TMEM222: variants seen among roughly 807,000 people sequenced by gnomAD.
TMEM222 encodes chromosome 1 open reading frame 160.
A neutral mutation model predicts 25.1 loss-of-function variants in TMEM222; 18 were observed. That is an observed-to-expected ratio of 0.72 (90% confidence interval 0.50 to 1.06). TMEM222 has a LOEUF of 1.06. Among genes scored for constraint, TMEM222 ranks in the 50% least tolerant of loss-of-function variants. The probability of loss-of-function intolerance (pLI) is 0.00; values close to 1 mark genes in which losing one functional copy is unlikely to be tolerated. For missense variants in TMEM222, 296 were observed against 293.7 expected (o/e 1.01, Z -0.06); for synonymous variants, 131 against 117.9 (o/e 1.11, Z -0.72).
intron 1 of TMEM222, among the ~76,000 whole-genome samples, chr1:27,324,150 AC>A (rs1175155999): frequency 6.6e-6 from 1 of 152,106 alleles, no homozygotes; most frequent in Non-Finnish European, 1.5e-5. Context: ...ACATGGAGAA[AC>A]CCCATCTCTA....
chr1:27,335,635 G>C lies in TMEM222; in HGVS notation c.*169G>C. The C allele has an allele frequency of 1.5e-6, 1 of 652,144 alleles. No individual in the cohort carries two copies. The highest frequency in any genetic ancestry group is 2.7e-6 in the Non-Finnish European group (1 of 373,386). The allele number at this position is 652,144 out of a possible 1,614,324, so 40.4% of individuals were successfully genotyped here. ...GGACTGAGGACCAGCATGAAGTGGG[G>C]GTTTGTTGTCTCCCTGCCTCTCAGA... On this transcript the variant is annotated 3_prime_UTR_variant, in exon 6 of 6. Transcript: ENST00000374076.
intron 1 of TMEM222, among the ~76,000 whole-genome samples, chr1:27,329,826 G>A (rs1398927713): frequency 6.6e-6 from 1 of 152,248 alleles, no homozygotes; most frequent in Non-Finnish European, 1.5e-5. Context: ...AACAGGCCGG[G>A]TACGGTGGCT....
At chr1:27,333,777 G>A in intron 3 of TMEM222, 181 bp from the exon 4 acceptor site, 1 of 602,652 alleles carries the variant, frequency 1.7e-6, no homozygotes, top group South Asian at 2.0e-5. Flanking sequence ...ATCCCCCATG[G>A]CACCAGCCAC....
At chr1:27,330,021 A>G (rs1224495645) in intron 1 of TMEM222, among the ~76,000 whole-genome samples, 78 of 135,342 alleles carry the variant, frequency 5.8e-4, no homozygotes, top group East Asian at 1.8e-3. Context: ...AGAATTGCTT[A>G]AACCCAGGAG....
chr1:27,326,972 G>A (rs183944133), intron 1 of TMEM222, among the ~76,000 whole-genome samples: 2 of 150,216 alleles, frequency 1.3e-5, no homozygotes, highest in African/African-American at 4.9e-5. Context: ...GTGGAATCCT[G>A]GTTGGACCCA....
chr1:27,328,674 C>T (rs532827375), intron 1 of TMEM222, among the ~76,000 whole-genome samples: 2 of 152,232 alleles, frequency 1.3e-5, no homozygotes, highest in Admixed American at 6.5e-5. Context: ...CTCCCCCTTT[C>T]GTTCTTCCAG....
intron 3 of TMEM222, 77 bp from the exon 4 acceptor site, chr1:27,333,881 C>A: frequency 7.5e-7 from 1 of 1,341,958 alleles, no homozygotes; most frequent in Non-Finnish European, 1.0e-6. Flanking sequence ...GGGCACAGGG[C>A]AGGCCTCAGA....
At chr1:27,332,966 C>G in intron 3 of TMEM222, 1 of 284,258 alleles carries the variant, frequency 3.5e-6, no homozygotes, top group South Asian at 3.5e-5. Flanking sequence ...AGCCAGGGGG[C>G]GCCCTGACCT....
chr1:27,332,424 C>T (rs1337473783), intron 3 of TMEM222: 2 of 717,964 alleles, frequency 2.8e-6, no homozygotes, highest in African/African-American at 1.7e-5. Flanking sequence ...CTGGGACCCA[C>T]ACCCAGATCT....
In TMEM222 at chr1:27,322,187, G is replaced by C; in HGVS notation, c.-11G>C. On this transcript the variant is annotated 5_prime_UTR_variant, in exon 1 of 6. Coordinates refer to ENST00000374076, the MANE Select transcript of TMEM222 (RefSeq NM_032125.3). ...CAGAGCCGGGGCCAGTCGGAGCGGG[G>C]CGCGCGCCGCATGGCGGAAGCGGAA... 1 of 1,382,142 alleles carries C rather than the reference G, an allele frequency of 7.2e-7. No individual in the cohort carries two copies. Among genetic ancestry groups the C allele is most frequent in the Non-Finnish European group, 9.5e-7 (1 of 1,057,076 alleles). The allele number at this position is 1,382,142 out of a possible 1,614,324, so 85.6% of individuals were successfully genotyped here.
rs756005624 is a variant in TMEM222, at chr1:27,322,168, C to T, written c.-30C>T. On this transcript the variant is annotated 5_prime_UTR_variant, in exon 1 of 6. Coordinates refer to ENST00000374076, the MANE Select transcript of TMEM222 (RefSeq NM_032125.3). ...CCATGGGGACGAGCGGCACCAGAGCCGGGGCCAGTCGGAGCGGGGCGCGCG... is the reference window on the plus strand; with the variant it reads ...CCATGGGGACGAGCGGCACCAGAGCTGGGGCCAGTCGGAGCGGGGCGCGCG... The T allele has an allele frequency of 8.8e-6, 12 of 1,365,422 alleles. No homozygotes were observed. The Admixed American group carries it at 1.7e-4, about 20-fold the overall frequency. 84.6% of individuals were successfully genotyped at this position (1,365,422 alleles called of 1,614,324 possible).
intron 1 of TMEM222, among the ~76,000 whole-genome samples, chr1:27,330,141 G>A (rs1481972324): frequency 1.3e-5 from 2 of 151,936 alleles, no homozygotes; most frequent in African/African-American, 2.4e-5. Context: ...GCTTATGCCT[G>A]TAATCCCAGC....
chr1:27,322,296 C>T lies in TMEM222; in HGVS notation c.99C>T (p.Asp33=). 1.3e-6 allele frequency: 2 copies of T among 1,564,062 alleles called. No homozygotes were observed. Among genetic ancestry groups the T allele is most frequent in the South Asian group, 1.2e-5 (1 of 85,274 alleles). The change falls in exon 1 of 6, where the codon GAC becomes GAT. Residue 33 remains aspartate, a synonymous_variant. Coordinates refer to ENST00000374076, the MANE Select transcript of TMEM222 (RefSeq NM_032125.3). ...AGGCGCCGACGGCGGCCGAGACGGACATGAAGCAATATCAAGGCTCCGGCG... is the reference window on the plus strand; with the variant it reads ...AGGCGCCGACGGCGGCCGAGACGGATATGAAGCAATATCAAGGCTCCGGCG... ...EVEAPTAAET[D]MKQYQGSGGV... is the part of the protein sequence containing the mutation.
At chr1:27,333,926 A>G in intron 3 of TMEM222, 32 bp from the exon 4 acceptor site, 3 of 1,599,988 alleles carry the variant, frequency 1.9e-6, no homozygotes, top group Non-Finnish European at 2.6e-6. Context: ...AAAGGAGCCA[A>G]GCAAGTGTCC....
intron 1 of TMEM222, chr1:27,325,876 C>T (rs2014334685): frequency 1.3e-6 from 1 of 755,546 alleles, no homozygotes; most frequent in African/African-American, 1.7e-5. Context: ...ATGCATATAC[C>T]TCATGCTAGC....
rs1460562273 is a variant in TMEM222 at position 27,325,639 on chromosome 1, C to T, written c.194+3248C>T. 3.5e-6 allele frequency: 3 copies of T among 857,292 alleles called. No individual in the cohort carries two copies. In the Admixed American group the frequency reaches 5.1e-5, roughly 15 times the overall value. 53.1% of individuals were successfully genotyped at this position (857,292 alleles called of 1,614,324 possible). ...GAGATTAACGCCCTGGCATCCAGCA[C>T]CATGAAGATCAAGCTCATTGTGCCC... On this transcript the variant is annotated intron_variant, in intron 1 of 5. Coordinates refer to ENST00000374076, the MANE Select transcript of TMEM222 (RefSeq NM_032125.3).
chr1:27,329,918 G>A (rs541192716), intron 1 of TMEM222, among the ~76,000 whole-genome samples: 13 of 151,872 alleles, frequency 8.6e-5, no homozygotes, highest in East Asian at 1.9e-4. Context: ...CCTGGCCAAC[G>A]TGATGAAACC....
chr1:27,333,035 C>T (rs1233638853), intron 3 of TMEM222: 4 of 312,590 alleles, frequency 1.3e-5, no homozygotes, highest in Admixed American at 4.0e-5. Context: ...CAGCAATTCT[C>T]ACCCACCTTG....
Position 27,322,227 on chromosome 1 carries a change from C to CTTG in TMEM222, c.34_36dup (p.Leu12dup). 6.9e-7 allele frequency: 1 copy of CTTG among 1,454,082 alleles called. No homozygotes were observed. The highest frequency in any genetic ancestry group is 9.1e-7 in the Non-Finnish European group (1 of 1,097,018). The allele number at this position is 1,454,082 out of a possible 1,614,324, so 90.1% of individuals were successfully genotyped here. A position where few individuals can be genotyped will look rare whatever the true frequency, so the allele number is the denominator to read the frequency against. ...CGGAAGCGGAAGGGAGTTCTCTGCT[C>CTTG]TTGTTGCCGCCGCCGCCACCCCCGC... On this transcript the variant is annotated inframe_insertion, in exon 1 of 6. Coordinates refer to ENST00000374076, the MANE Select transcript of TMEM222 (RefSeq NM_032125.3).
Sources: gnomAD v4.1 joint callset for allele counts (sites outside exome capture counted in the v4.1 genomes callset) on GRCh38, gnomAD v4.1.1 for gene constraint, MANE v1.5 for transcripts, NCBI Gene and HGNC (gene_info 2026-07-23, HGNC 2026-07-21) for gene names.